Variants in VPS26C observed in about 807,000 individuals in gnomAD.
The protein encoded by VPS26C is VPS26 endosomal protein sorting factor C.
In VPS26C, 19 loss-of-function variants were observed where a neutral mutation model predicts 30.6. The observed-to-expected ratio is 0.62, with a 90% CI of 0.43 to 0.91. The LOEUF (loss-of-function observed/expected upper bound fraction) is 0.91, where lower values mean the gene tolerates loss of function less well. Among genes scored for constraint, VPS26C ranks in the 40% least tolerant of loss-of-function variants. VPS26C has a pLI of 0.00. For synonymous variants in VPS26C, 132 were observed against 151.5 expected (o/e 0.87, Z 0.95); for missense variants, 318 against 385.1 (o/e 0.83, Z 1.46).
rs1201765556 is a variant in VPS26C at position 37,257,273 on chromosome 21, C to A, written c.57+9965G>T. 6.6e-6 allele frequency among the ~76,000 whole-genome samples: 1 copy of A among 152,224 alleles called. No individual in the cohort carries two copies. ...GTAAAAAAGGATCAGGATCTGAGGTCAACTGACCTCTCCCTGCGCTCTGGA... is the reference window on the plus strand; with the variant it reads ...GTAAAAAAGGATCAGGATCTGAGGTAAACTGACCTCTCCCTGCGCTCTGGA... On this transcript the variant is annotated intron_variant, in intron 1 of 7. Coordinates refer to ENST00000309117, the MANE Select transcript of VPS26C (RefSeq NM_006052.2). This position sits in a 1 kb window ranked among gnomAD's most constrained non-coding sequence, Gnocchi z 4.2.
chr21:37,267,209 CTCCATCCCCA>C lies in VPS26C; in HGVS notation c.57+19_57+28del. ...AACCTGCAGACCCGCCCAACCCCAC[CTCCATCCCCA>C]CCCCCAGCCCCCACTTACCCCGGCG... On this transcript the variant is annotated intron_variant, in intron 1 of 7. Coordinates refer to ENST00000309117, the MANE Select transcript of VPS26C (RefSeq NM_006052.2). 1.5e-4 allele frequency: 154 copies of C among 1,025,688 alleles called. No homozygotes were observed. Among genetic ancestry groups the C allele is most frequent in the Non-Finnish European group, 2.1e-4 (140 of 664,368 alleles). The allele number at this position is 1,025,688 out of a possible 1,614,324, so 63.5% of individuals were successfully genotyped here.
intron 1 of VPS26C, chr21:37,266,965 A>AG (rs56348240): frequency 1 from 521,911 of 521,916 alleles, 260,953 homozygotes; most frequent in Middle Eastern, 1. Context: ...AGATGGGAAG[A>AG]GCGCAGCCCC....
intron 1 of VPS26C, chr21:37,261,581 T>C (rs1872688175): frequency 6.6e-6 from 1 of 152,098 alleles, no homozygotes; most frequent in South Asian, 2.1e-4. Flanking sequence ...TTAGGAATTT[T>C]TGTAAGGCTA....
chr21:37,259,410 G>A (rs1188242170), intron 1 of VPS26C, among the ~76,000 whole-genome samples: 1 of 148,854 alleles, frequency 6.7e-6, no homozygotes. Flanking sequence ...ATGCTGGGGA[G>A]TAAATCTCTT....
At position 37,266,267 on chromosome 21, in the gene VPS26C, T is replaced by C. The variant is rs187358872; in HGVS notation, c.57+971A>G. 3.7e-3 allele frequency among the ~76,000 whole-genome samples: 570 copies of C among 152,256 alleles called. 8 individuals carry two copies. Among genetic ancestry groups the C allele is most frequent in the African/African-American group, 0.012 (515 of 41,530 alleles). ...TCAAGGGGATGACCATTTGAGCTTG[T>C]GTAAATAAGAGCAGGCTTCCCTAGT... is the stretch of plus-strand genomic sequence containing the variant. On this transcript the variant is annotated intron_variant, in intron 1 of 7. Coordinates refer to ENST00000309117, the MANE Select transcript of VPS26C (RefSeq NM_006052.2).
rs1470651875 is a variant in VPS26C, at chr21:37,233,752, CAGAA to C, written c.352-314_352-311del. On this transcript the variant is annotated intron_variant, in intron 3 of 7. Transcript: ENST00000309117. The surrounding 1 kb of genome is among the most constrained non-coding windows in gnomAD (Gnocchi z 5.2). ...TGTAGCAGGGAGCAGGCTGGCGAGACAGAAAGGGCAGTGCGCTCAGGAGCAGACG... is the reference window on the plus strand; with the variant it reads ...TGTAGCAGGGAGCAGGCTGGCGAGACAGGGCAGTGCGCTCAGGAGCAGACG... Among the ~76,000 whole-genome samples the C allele has an allele frequency of 1.3e-5, 2 of 152,212 alleles. No individual in the cohort carries two copies. The highest frequency in any genetic ancestry group is 6.5e-5 in the Admixed American group (1 of 15,276).
At chr21:37,254,670 G>C (rs2086224664) in intron 1 of VPS26C, among the ~76,000 whole-genome samples, 1 of 152,062 alleles carries the variant, frequency 6.6e-6, no homozygotes, top group Admixed American at 6.6e-5. Flanking sequence ...AAATAGCCAG[G>C]CATGGTGGCG....
intron 6 of VPS26C, among the ~76,000 whole-genome samples, 193 bp from the exon 7 acceptor site, chr21:37,227,999 T>C (rs934763660): frequency 2.6e-5 from 4 of 152,220 alleles, no homozygotes; most frequent in Admixed American, 2.6e-4. Context: ...TCTCGTTTTT[T>C]AGAGTCAGGG....
intron 1 of VPS26C, chr21:37,267,009 T>TGCG (rs2086371097): frequency 1.7e-6 from 1 of 572,928 alleles, no homozygotes; most frequent in Non-Finnish European, 3.1e-6. Flanking sequence ...GTCCCGCAGA[T>TGCG]GCGGCGGCGG....
chr21:37,228,456 A>G (rs2085927462), intron 5 of VPS26C, 83 bp from the exon 6 acceptor site: 1 of 1,508,342 alleles, frequency 6.6e-7, no homozygotes, highest in Non-Finnish European at 9.0e-7. Context: ...AAAACCTGGA[A>G]GCGAAGTTGG....
chr21:37,266,984 G>A, intron 1 of VPS26C: 2 of 547,758 alleles, frequency 3.7e-6, no homozygotes, highest in South Asian at 4.3e-5. Flanking sequence ...CCGGAGCTGG[G>A]CGCCTGCCCT....
At chr21:37,262,335 A>G (rs1248329959) in intron 1 of VPS26C, among the ~76,000 whole-genome samples, 1 of 152,214 alleles carries the variant, frequency 6.6e-6, no homozygotes, top group African/African-American at 2.4e-5. Flanking sequence ...TCAGTTTTCA[A>G]AACTAGGTTT....
intron 1 of VPS26C, among the ~76,000 whole-genome samples, chr21:37,258,646 A>T (rs918870747): frequency 6.6e-6 from 1 of 152,190 alleles, no homozygotes; most frequent in Non-Finnish European, 1.5e-5. Context: ...AGACTCCTAG[A>T]TGACATAACG....
chr21:37,239,539 C>T (rs2086062658), intron 2 of VPS26C, among the ~76,000 whole-genome samples: 1 of 151,522 alleles, frequency 6.6e-6, no homozygotes, highest in Non-Finnish European at 1.5e-5. Flanking sequence ...AATAAAATGA[C>T]AGTTTTGATT....
At chr21:37,258,082 T>C (rs1241002590) in intron 1 of VPS26C, among the ~76,000 whole-genome samples, 1 of 152,196 alleles carries the variant, frequency 6.6e-6, no homozygotes, top group Non-Finnish European at 1.5e-5. Flanking sequence ...AACCCCATAC[T>C]GCTCACACTA....
Position 37,267,219 on chromosome 21 carries a change from A to AG in VPS26C, c.57+18_57+19insC. ...CCCGCCCAACCCCACCTCCATCCCC[A>AG]CCCCCAGCCCCCACTTACCCCGGCG... On this transcript the variant is annotated intron_variant, in intron 1 of 7. Transcript: ENST00000309117. 4.4e-6 allele frequency: 1 copy of AG among 225,508 alleles called. No individual in the cohort carries two copies. Among genetic ancestry groups the AG allele is most frequent in the Non-Finnish European group, 8.3e-6 (1 of 121,160 alleles). 14.0% of individuals were successfully genotyped at this position (225,508 alleles called of 1,614,324 possible).
Position 37,224,548 on chromosome 21 carries a change from T to C in VPS26C, c.*996A>G, listed in dbSNP as rs543709830. 1 of 152,286 alleles carries C rather than the reference T, an allele frequency of 6.6e-6. No individual in the cohort carries two copies. Among genetic ancestry groups the C allele is most frequent in the South Asian group, 2.1e-4 (1 of 4,826 alleles). 9.4% of individuals were successfully genotyped at this position (152,286 alleles called of 1,614,324 possible). ...CTGTCTCTCTCTATGTATGTATCTG[T>C]TCAGGGAAATGGCAGCGTGAGATTT... On this transcript the variant is annotated 3_prime_UTR_variant, in exon 8 of 8. Transcript: ENST00000309117.
intron 1 of VPS26C, among the ~76,000 whole-genome samples, chr21:37,260,227 T>G (rs1158954812): frequency 6.6e-6 from 1 of 152,264 alleles, no homozygotes; most frequent in Non-Finnish European, 1.5e-5. Context: ...TAAAGCACTC[T>G]GTGAGCTGGA....
chr21:37,249,355 A>C (rs913919070), intron 1 of VPS26C, among the ~76,000 whole-genome samples: 1 of 152,258 alleles, frequency 6.6e-6, no homozygotes, highest in African/African-American at 2.4e-5. Context: ...AGTTTCAGAA[A>C]AGATGACAGC....
Sources: allele counts gnomAD v4.1 joint callset (sites outside exome capture counted in the v4.1 genomes callset), GRCh38; gene constraint gnomAD v4.1.1; non-coding constraint Gnocchi (gnomAD v3.1); transcripts MANE v1.5; gene names NCBI Gene and HGNC (gene_info 2026-07-23, HGNC 2026-07-21).